Variants in WDR43 observed in about 807,000 individuals in gnomAD.
The protein encoded by WDR43 is WD repeat-containing protein 43.
A neutral mutation model predicts 91.4 loss-of-function variants in WDR43; 13 were observed. The observed-to-expected ratio is 0.14, with a 90% CI of 0.09 to 0.23. The LOEUF is 0.23. Among genes scored for constraint, WDR43 ranks in the 10% least tolerant of loss-of-function variants. WDR43 has a pLI of 1.00. For synonymous variants in WDR43, 331 were observed against 287.9 expected (o/e 1.15, Z -1.51); for missense variants, 780 against 809.4 (o/e 0.96, Z 0.44).
At chr2:28,916,357 A>G (rs1670910734) in intron 5 of WDR43, among the ~76,000 whole-genome samples, 1 of 152,068 alleles carries the variant, frequency 6.6e-6, no homozygotes, top group Non-Finnish European at 1.5e-5. Context: ...TGGTTGTAGC[A>G]TTTTGCATTT....
At chr2:28,896,549 A>G (rs1186901201) in intron 1 of WDR43, among the ~76,000 whole-genome samples, 2 of 152,224 alleles carry the variant, frequency 1.3e-5, no homozygotes, top group Non-Finnish European at 1.5e-5. Flanking sequence ...CAACTTGAAT[A>G]AAGTAAAAAA....
intron 4 of WDR43, 108 bp from the exon 5 acceptor site, chr2:28,913,961 C>A: frequency 7.9e-7 from 1 of 1,260,398 alleles, no homozygotes. Context: ...CATCGTGGAG[C>A]TCTCCTTTCC....
intron 1 of WDR43, among the ~76,000 whole-genome samples, chr2:28,896,706 A>G (rs1558365667): frequency 6.6e-6 from 1 of 152,192 alleles, no homozygotes; most frequent in Non-Finnish European, 1.5e-5. Flanking sequence ...AAATTTCCTA[A>G]TCTCATATTA....
chr2:28,903,169 G>A (rs565951283), intron 2 of WDR43, among the ~76,000 whole-genome samples: 12 of 151,986 alleles, frequency 7.9e-5, no homozygotes, highest in Non-Finnish European at 1.5e-4. Context: ...ACTGGTTATA[G>A]AGATTTTTAG....
intron 2 of WDR43, among the ~76,000 whole-genome samples, chr2:28,902,719 C>G (rs1360590310): frequency 6.6e-6 from 1 of 152,234 alleles, no homozygotes; most frequent in East Asian, 1.9e-4. Context: ...CCTTCTCTCT[C>G]CATCCTTGTC....
intron 13 of WDR43, among the ~76,000 whole-genome samples, chr2:28,937,693 G>C (rs1264495147): frequency 1.3e-5 from 2 of 152,148 alleles, no homozygotes; most frequent in South Asian, 4.1e-4. Context: ...TTAGAGGAAG[G>C]GGTTTTGTCC....
chr2:28,910,560 T>A (rs1335344891), intron 3 of WDR43, among the ~76,000 whole-genome samples: 1 of 151,898 alleles, frequency 6.6e-6, no homozygotes, highest in Admixed American at 6.6e-5. Flanking sequence ...CTCTTTTTCT[T>A]ATTGATATGA....
chr2:28,913,805 A>G (rs1340459302), intron 4 of WDR43: 2 of 645,340 alleles, frequency 3.1e-6, no homozygotes, highest in African/African-American at 1.8e-5. Context: ...TCAAGAATGT[A>G]AGAAACAAAG....
chr2:28,927,722 T>G, intron 10 of WDR43, 22 bp downstream of exon 10: 1 of 1,610,170 alleles, frequency 6.2e-7, no homozygotes, highest in Non-Finnish European at 8.5e-7. Flanking sequence ...GCTTTGACCA[T>G]ATATTTGAGT....
At chr2:28,932,893 C>T (rs1360412900) in intron 11 of WDR43, among the ~76,000 whole-genome samples, 1 of 152,042 alleles carries the variant, frequency 6.6e-6, no homozygotes, top group African/African-American at 2.4e-5. Flanking sequence ...TTTAACAGTT[C>T]CATTTATAGT....
chr2:28,917,718 G>A (rs890985446), intron 5 of WDR43, among the ~76,000 whole-genome samples, 175 bp from the exon 6 acceptor site: 1 of 152,184 alleles, frequency 6.6e-6, no homozygotes, highest in African/African-American at 2.4e-5. Context: ...ATGTTATATG[G>A]TAGTGACATG....
At chr2:28,919,105 A>G (rs1670972038) in intron 6 of WDR43, among the ~76,000 whole-genome samples, 1 of 152,114 alleles carries the variant, frequency 6.6e-6, no homozygotes, top group African/African-American at 2.4e-5. Context: ...AAAAAATAAA[A>G]AAGTTAGCTG....
chr2:28,942,131 A>G (rs1253535602), intron 15 of WDR43, among the ~76,000 whole-genome samples, 181 bp from the exon 16 acceptor site: 2 of 152,184 alleles, frequency 1.3e-5, no homozygotes, highest in Non-Finnish European at 2.9e-5. Flanking sequence ...AGCTTTACAG[A>G]GTAATTCTTT....
intron 5 of WDR43, among the ~76,000 whole-genome samples, chr2:28,914,419 A>C (rs1670868732): frequency 1.3e-5 from 2 of 152,238 alleles, no homozygotes; most frequent in Admixed American, 1.3e-4. Flanking sequence ...GTGGTTGTTT[A>C]GTGATACAGT....
chr2:28,934,122 G>A (rs1344725249), intron 11 of WDR43, among the ~76,000 whole-genome samples: 1 of 152,144 alleles, frequency 6.6e-6, no homozygotes, highest in East Asian at 1.9e-4. Flanking sequence ...AGCAATATAA[G>A]TAATGTGTTA....
chr2:28,908,885 C>A (rs1670734588), intron 3 of WDR43, among the ~76,000 whole-genome samples: 1 of 152,084 alleles, frequency 6.6e-6, no homozygotes, highest in South Asian at 2.1e-4. Flanking sequence ...TACATTATGA[C>A]TAGTTAATTA....
intron 1 of WDR43, among the ~76,000 whole-genome samples, chr2:28,900,070 A>T (rs145429665): frequency 4.1e-4 from 63 of 152,348 alleles, no homozygotes; most frequent in African/African-American, 1.5e-3. Context: ...ATGGAAATTC[A>T]AATTGGCAAT....
In WDR43 at chr2:28,937,694, G is replaced by A. The variant is rs543966409; in HGVS notation, c.1557-237G>A. On this transcript the variant is annotated intron_variant, in intron 13 of 17. Transcript: ENST00000407426. ...GCTCTTGAACTGTTTTAGAGGAAGG[G>A]GTTTTGTCCTGTTTTCTGATGTGGC... Among the ~76,000 whole-genome samples, 4 of 152,198 alleles carry A rather than the reference G, an allele frequency of 2.6e-5. No homozygotes were observed. The East Asian group carries it at 5.8e-4, about 22-fold the overall frequency.
At chr2:28,927,414 A>G (rs1671161107) in intron 9 of WDR43, 155 bp from the exon 10 acceptor site, 3 of 942,512 alleles carry the variant, frequency 3.2e-6, no homozygotes, top group Admixed American at 3.0e-5. Context: ...AAGTTTGTCA[A>G]CATTCAATTT....
Sources: gnomAD v4.1 joint callset for allele counts (sites outside exome capture counted in the v4.1 genomes callset) on GRCh38, gnomAD v4.1.1 for gene constraint, MANE v1.5 for transcripts, NCBI Gene and HGNC (gene_info 2026-07-23, HGNC 2026-07-21) for gene names.